SVIL: variants seen among roughly 807,000 people sequenced by gnomAD.
SVIL encodes supervillin.
A neutral mutation model predicts 240.4 loss-of-function variants in SVIL; 101 were observed. The ratio of observed to expected loss-of-function variants is 0.42; its 90% confidence interval spans 0.36 to 0.50. SVIL has a LOEUF of 0.50. SVIL is among the 20% of genes least tolerant of loss of function. SVIL has a pLI of 0.01. For synonymous variants in SVIL, 999 were observed against 1,100.0 expected, an observed-to-expected ratio of 0.91 and a Z score of 1.82; for missense variants, 2,512 against 2,818.7, an observed-to-expected ratio of 0.89 and a Z score of 2.46.
intron 1 of SVIL, among the ~76,000 whole-genome samples, chr10:29,585,906 G>A (rs1158264611): frequency 1.3e-5 from 2 of 152,240 alleles, no homozygotes; most frequent in East Asian, 1.9e-4. Context: ...CGCTCTGAGC[G>A]CGGTCACTGC....
chr10:29,483,349 G>A (rs945214232), intron 27 of SVIL: 1 of 152,204 alleles, frequency 6.6e-6, no homozygotes, highest in Non-Finnish European at 1.5e-5. Flanking sequence ...TGGGCTCAGT[G>A]GTTTCAGCCT....
rs530923086 is a variant in SVIL, at chr10:29,649,620, A to T, written c.-201+8349T>A. Among the ~76,000 whole-genome samples, 209 of 152,302 alleles carry T rather than the reference A, an allele frequency of 1.4e-3. 1 individual carries two copies. The highest frequency in any genetic ancestry group is 4.8e-3 in the African/African-American group (198 of 41,562). On this transcript the variant is annotated intron_variant, in intron 3 of 35. Transcript: ENST00000375400. ...TTAGCTTCAAAAAAATTGAAGCTCA[A>T]ATATAACTTCAAACAATTGACTTAC...
chr10:29,549,696 A>G (rs1953051576), intron 6 of SVIL, among the ~76,000 whole-genome samples: 1 of 140,590 alleles, frequency 7.1e-6, no homozygotes, highest in African/African-American at 2.7e-5. Flanking sequence ...GCAGCCATAA[A>G]AAAGGATGAG....
chr10:29,614,123 A>T (rs187281195), intron 1 of SVIL, among the ~76,000 whole-genome samples: 11 of 152,230 alleles, frequency 7.2e-5, no homozygotes, highest in Non-Finnish European at 1.2e-4. Context: ...TTTTAAAGCC[A>T]TTTTTTTTAA....
intron 1 of SVIL, among the ~76,000 whole-genome samples, chr10:29,692,951 G>A (rs2132618635): frequency 6.6e-6 from 1 of 152,246 alleles, no homozygotes; most frequent in Non-Finnish European, 1.5e-5. Context: ...AACCATATAT[G>A]CCTAGTGTTC....
At chr10:29,736,258 G>A (rs1964895901), upstream of SVIL, among the ~76,000 whole-genome samples, 1 of 152,202 alleles carries the variant, frequency 6.6e-6, no homozygotes, top group Admixed American at 6.5e-5. Context: ...GCGATGAATC[G>A]GCATAAGCAC....
rs1336199612 is a variant in SVIL at position 29,532,965 on chromosome 10, G to T, written c.1402C>A (p.Pro468Thr). The T allele has an allele frequency of 3.0e-5, 48 of 1,613,826 alleles. No homozygotes were observed. The highest frequency in any genetic ancestry group is 3.8e-5 in the Non-Finnish European group (45 of 1,180,014). The change falls in exon 8 of 38, where the codon CCA (proline) becomes ACA (threonine). Residue 468 changes from proline (P) to threonine (T), a missense_variant. By Grantham distance (38) the Pro-to-Thr change is conservative. Around this residue, in one of 3 missense-constraint regions of SVIL, gnomAD observed 1,443 missense variants for 1,486.6 expected, o/e 0.97. Coordinates refer to ENST00000355867, the MANE Select transcript of SVIL (RefSeq NM_021738.3). ...TCCTCATTTCTAGAGGGATCTTCTGGGCTTCTCACTAGCCCATCACCCTCC... is the reference window on the plus strand; with the variant it reads ...TCCTCATTTCTAGAGGGATCTTCTGTGCTTCTCACTAGCCCATCACCCTCC... ...ALEGDGLVRSPEDPSRNEDFG... is the reference protein window; with the variant it reads ...ALEGDGLVRSTEDPSRNEDFG...
intron 33 of SVIL, among the ~76,000 whole-genome samples, 161 bp downstream of exon 33, chr10:29,467,581 A>C (rs1355999166): frequency 1.3e-5 from 2 of 152,184 alleles, no homozygotes; most frequent in African/African-American, 4.8e-5. Context: ...TCAAGCCTGC[A>C]CTTTGAGAGG....
In SVIL at chr10:29,524,485, C is replaced by T; in HGVS notation, c.2573G>A (p.Gly858Glu). The stretch of plus-strand genomic sequence containing the variant: ...TAGCACACCCACCTGCTCCACCTCT[C>T]CCAGTGTGACTGGCTGAGTTTGATA... ...ARYQTQPVTL[G>E]EVEQVQSGKL... Residue 858 changes from glycine (G) to glutamate (E), a missense_variant, in exon 14 of 38, where the codon GGA becomes GAA. Transcript: ENST00000355867. 1 of 1,614,172 alleles carries T rather than the reference C, an allele frequency of 6.2e-7. No individual in the cohort carries two copies. Among genetic ancestry groups the T allele is most frequent in the East Asian group, 2.2e-5 (1 of 44,880 alleles).
chr10:29,472,531 T>C (rs1945702424), intron 30 of SVIL, among the ~76,000 whole-genome samples: 1 of 152,270 alleles, frequency 6.6e-6, no homozygotes, highest in African/African-American at 2.4e-5. Context: ...GAGTTAATTC[T>C]TAATTGCTGC....
At chr10:29,699,170 C>T (rs1345232808) in intron 1 of SVIL, among the ~76,000 whole-genome samples, 1 of 152,114 alleles carries the variant, frequency 6.6e-6, no homozygotes, top group Non-Finnish European at 1.5e-5. Context: ...TGCTCTGTTG[C>T]CCAGGCTAGA....
At chr10:29,514,340 G>A (rs1194882206) in intron 16 of SVIL, among the ~76,000 whole-genome samples, 5 of 151,386 alleles carry the variant, frequency 3.3e-5, no homozygotes, top group Non-Finnish European at 2.9e-5. Flanking sequence ...GGGCTCAAGC[G>A]ACAATCCTGC....
intron 6 of SVIL, among the ~76,000 whole-genome samples, chr10:29,549,009 G>C (rs1323874581): frequency 1.3e-5 from 2 of 151,862 alleles, no homozygotes; most frequent in Non-Finnish European, 2.9e-5. Context: ...AGCCAAAATT[G>C]ACAAATGGGA....
intron 36 of SVIL, among the ~76,000 whole-genome samples, chr10:29,459,434 A>AT (rs1467473094): frequency 6.6e-6 from 1 of 152,164 alleles, no homozygotes; most frequent in Non-Finnish European, 1.5e-5. Context: ...ATGGACTAAG[A>AT]TTAGTAGATT....
intron 18 of SVIL, among the ~76,000 whole-genome samples, chr10:29,498,802 G>A (rs1158886942): frequency 1.3e-5 from 2 of 152,030 alleles, no homozygotes; most frequent in Non-Finnish European, 2.9e-5. Flanking sequence ...GCAACACAGC[G>A]ACACCCCATT....
At chr10:29,682,316 A>G (rs552137205) in intron 2 of SVIL, among the ~76,000 whole-genome samples, 15 of 152,278 alleles carry the variant, frequency 9.9e-5, no homozygotes, top group Non-Finnish European at 1.8e-4. Flanking sequence ...CGTCAGCCCA[A>G]TGATGAAGTC....
intron 16 of SVIL, among the ~76,000 whole-genome samples, chr10:29,516,517 G>A (rs3780845): frequency 0.44 from 66,404 of 152,068 alleles, 15,157 homozygotes; most frequent in African/African-American, 0.55. Flanking sequence ...CCGGCTCACC[G>A]CAGACCACCA....
At chr10:29,704,390 C>T (rs919911982) in intron 1 of SVIL, among the ~76,000 whole-genome samples, 2 of 152,174 alleles carry the variant, frequency 1.3e-5, no homozygotes, top group African/African-American at 4.8e-5. Context: ...CCATGTCTCT[C>T]TCACTAGCAG....
Position 29,533,264 on chromosome 10 carries a change from A to G in SVIL, c.1103T>C (p.Val368Ala), listed in dbSNP as rs752987678. 6.2e-7 allele frequency: 1 copy of G among 1,613,902 alleles called. No individual in the cohort carries two copies. The highest frequency in any genetic ancestry group is 8.5e-7 in the Non-Finnish European group (1 of 1,180,022). ...GSTRQPIRGY[V>A]QPADTGHTAK... ...GGTGTGACCGGTATCTGCGGGTTGG[A>G]CATAGCCACGGATTGGCTGTCGTGT... The change falls in exon 8 of 38, where the codon GTC (valine) becomes GCC (alanine). Residue 368 changes from valine to alanine, a missense_variant. Coordinates refer to ENST00000355867, the MANE Select transcript of SVIL (RefSeq NM_021738.3).
Sources: allele counts gnomAD v4.1 joint callset (sites outside exome capture counted in the v4.1 genomes callset), GRCh38; gene constraint gnomAD v4.1.1; regional missense constraint gnomAD v4.1.1; transcripts MANE v1.5; gene names NCBI Gene and HGNC (gene_info 2026-07-23, HGNC 2026-07-21).